Variants in MROH7 observed in about 807,000 individuals in gnomAD.
MROH7 encodes maestro heat-like repeat-containing protein family member 7.
Under a neutral mutation model 129.2 loss-of-function variants are expected in MROH7, and 113 were observed. The observed-to-expected ratio is 0.87, with a 90% CI of 0.75 to 1.02. The LOEUF (loss-of-function observed/expected upper bound fraction) is 1.02. MROH7 is among the 50% of genes least tolerant of loss of function. MROH7 has a pLI of 0.00. For synonymous variants in MROH7, 655 were observed against 667.9 expected (o/e 0.98, Z 0.30); for missense variants, 1,601 against 1,671.3 (o/e 0.96, Z 0.73).
At chr1:54,695,315 C>A in intron 16 of MROH7, 61 bp from the exon 17 acceptor site, 1 of 874,768 alleles carries the variant, frequency 1.1e-6, no homozygotes, top group Non-Finnish European at 1.8e-6. Context: ...AAGCAAATCC[C>A]CCCCACAGGT....
At chr1:54,665,086 G>A (rs997033953) in intron 3 of MROH7, 81 bp from the exon 4 acceptor site, 27 of 1,064,904 alleles carry the variant, frequency 2.5e-5, no homozygotes, top group Non-Finnish European at 3.6e-5. Flanking sequence ...GGTGCCTAGA[G>A]GGGGAGGAGA....
At chr1:54,677,474 C>T (rs1400639585) in intron 10 of MROH7, among the ~76,000 whole-genome samples, 1 of 152,182 alleles carries the variant, frequency 6.6e-6, no homozygotes, top group East Asian at 1.9e-4. Context: ...GGACTACAGG[C>T]GTGAGCCACT....
At chr1:54,674,935 A>G (rs989634186) in intron 10 of MROH7, among the ~76,000 whole-genome samples, 2 of 151,926 alleles carry the variant, frequency 1.3e-5, no homozygotes. Context: ...GTAGGCCTAG[A>G]TTTCCTCATC....
chr1:54,661,847 T>C lies in MROH7; in HGVS notation c.1232-3320T>C, dbSNP rs538078717. Among the ~76,000 whole-genome samples the C allele has an allele frequency of 8.9e-3, 1,360 of 152,178 alleles. 20 individuals are homozygous for C. Among genetic ancestry groups the C allele is most frequent in the African/African-American group, 0.031 (1,291 of 41,562 alleles). On this transcript the variant is annotated intron_variant, in intron 3 of 23. Coordinates refer to ENST00000421030, the MANE Select transcript of MROH7 (RefSeq NM_001039464.4). ...CTGACCTCAGGTGACCCACCTGCCT[T>C]GGTCTCCCAAAGTGCCGGTATTACA...
intron 1 of MROH7, among the ~76,000 whole-genome samples, chr1:54,644,442 A>G (rs1644432676): frequency 6.6e-6 from 1 of 151,934 alleles, no homozygotes; most frequent in South Asian, 2.1e-4. Flanking sequence ...TCCTGGGTTC[A>G]AGCAATTCTC....
At chr1:54,708,549 C>T (rs1353012330) in intron 22 of MROH7, among the ~76,000 whole-genome samples, 2 of 152,314 alleles carry the variant, frequency 1.3e-5, no homozygotes, top group Admixed American at 6.5e-5. Flanking sequence ...AGCAATGCAT[C>T]AGAGGAGTCA....
intron 15 of MROH7, 125 bp from the exon 16 acceptor site, chr1:54,692,299 T>C: frequency 8.4e-7 from 1 of 1,196,490 alleles, no homozygotes. Context: ...ATACACTGAA[T>C]ACCCCTACCT....
chr1:54,677,754 A>G (rs1645004677), intron 10 of MROH7, among the ~76,000 whole-genome samples: 2 of 152,230 alleles, frequency 1.3e-5, no homozygotes. Context: ...GTGCGCCTGA[A>G]ATGTGCTCCC....
intron 17 of MROH7, among the ~76,000 whole-genome samples, chr1:54,696,846 A>G (rs916572198): frequency 4.0e-5 from 6 of 151,220 alleles, no homozygotes; most frequent in South Asian, 4.2e-4. Context: ...TAATTTTTGT[A>G]TTTTTAGTAG....
At chr1:54,643,741 G>A (rs370688385) in intron 1 of MROH7, among the ~76,000 whole-genome samples, 1 of 152,310 alleles carries the variant, frequency 6.6e-6, no homozygotes, top group East Asian at 1.9e-4. Context: ...AGGGTTACAA[G>A]AGGTGAATGT....
intron 1 of MROH7, among the ~76,000 whole-genome samples, chr1:54,644,494 C>T (rs1301707586): frequency 6.6e-6 from 1 of 152,032 alleles, no homozygotes; most frequent in Non-Finnish European, 1.5e-5. Flanking sequence ...AGGTGCCCAC[C>T]ACCATGCCTG....
intron 1 of MROH7, among the ~76,000 whole-genome samples, chr1:54,650,259 G>C (rs1013632491): frequency 1.3e-5 from 2 of 152,184 alleles, no homozygotes; most frequent in Non-Finnish European, 2.9e-5. Context: ...TCTTGCCCAT[G>C]TTCACCCATA....
At chr1:54,670,135 CAT>C (rs984023908) in intron 5 of MROH7, among the ~76,000 whole-genome samples, 1 of 151,770 alleles carries the variant, frequency 6.6e-6, no homozygotes, top group African/African-American at 2.4e-5. Context: ...AAGGGCCACA[CAT>C]AGTGGTTTTT....
At chr1:54,651,188 A>T (rs949959572) in intron 1 of MROH7, 6 of 152,418 alleles carry the variant, frequency 3.9e-5, no homozygotes, top group African/African-American at 1.4e-4. Context: ...ATGAAATAAC[A>T]CAAACGGGCT....
rs71048705 is a variant in MROH7 at position 54,699,159 on chromosome 1, T to TTTCTTTG, written c.2965-1160_2965-1159insCTTTGTT. ...CTTTCTTTCTTTCTTTCTTTCTTTC[T>TTTCTTTG]TTTCTTTCTTTCTTTCTTTCTTTCT... On this transcript the variant is annotated intron_variant, in intron 17 of 23. Transcript: ENST00000421030. 3 of 65,978 alleles carry TTTCTTTG rather than the reference T, an allele frequency of 4.5e-5. No individual in the cohort carries two copies. The South Asian group carries it at 1.9e-3, about 42-fold the overall frequency. 4.1% of individuals were successfully genotyped at this position (65,978 alleles called of 1,614,324 possible).
intron 3 of MROH7, among the ~76,000 whole-genome samples, chr1:54,656,568 G>T (rs1370603164): frequency 1.4e-5 from 2 of 144,970 alleles, no homozygotes; most frequent in Non-Finnish European, 3.0e-5. Flanking sequence ...CATGCCTGTA[G>T]TCCCAGCACT....
At chr1:54,674,342 A>G (rs1644950170) in intron 10 of MROH7, among the ~76,000 whole-genome samples, 191 bp downstream of exon 10, 1 of 152,212 alleles carries the variant, frequency 6.6e-6, no homozygotes, top group Non-Finnish European at 1.5e-5. Flanking sequence ...GACAAAGGCT[A>G]CAAACAAAAC....
At position 54,699,848 on chromosome 1, in the gene MROH7, G is replaced by A. The variant is rs778357313; in HGVS notation, c.2965-473G>A. The A allele has an allele frequency of 1.6e-4, 81 of 492,826 alleles. 2 individuals are homozygous for A. Among genetic ancestry groups the A allele is most frequent in the Non-Finnish European group, 8.2e-5 (23 of 280,892 alleles). 30.5% of individuals were successfully genotyped at this position (492,826 alleles called of 1,614,324 possible). On this transcript the variant is annotated intron_variant, in intron 17 of 23. Coordinates refer to ENST00000421030, the MANE Select transcript of MROH7 (RefSeq NM_001039464.4). ...GCAGTCAGCCTAAATGAGGCCAGGG[G>A]CAGTGTCAAGCCTAGCTTTAAGGCT...
intron 16 of MROH7, among the ~76,000 whole-genome samples, chr1:54,692,778 G>A (rs946826568): frequency 6.6e-6 from 1 of 152,214 alleles, no homozygotes; most frequent in African/African-American, 2.4e-5. Context: ...TGGCAATTGT[G>A]GAGCACTTAG....
Sources: allele counts gnomAD v4.1 joint callset (sites outside exome capture counted in the v4.1 genomes callset), GRCh38; gene constraint gnomAD v4.1.1; transcripts MANE v1.5; gene names NCBI Gene and HGNC (gene_info 2026-07-23, HGNC 2026-07-21).